VWA8: variants seen among roughly 807,000 people sequenced by gnomAD.
VWA8 encodes the protein von Willebrand factor A domain-containing protein 8.
VWA8 carries 221 observed loss-of-function variants against 241.5 expected under a neutral mutation model. The observed-to-expected ratio is 0.91, with a 90% CI of 0.82 to 1.02. VWA8 has a LOEUF of 1.02. Among genes scored for constraint, VWA8 ranks in the 50% least tolerant of loss-of-function variants. VWA8 has a pLI of 0.00. For synonymous variants in VWA8, 852 were observed against 827.1 expected, an observed-to-expected ratio of 1.03 and a Z score of -0.52; for missense variants, 2,322 against 2,328.7, an observed-to-expected ratio of 1.00 and a Z score of 0.06.
intron 26 of VWA8, among the ~76,000 whole-genome samples, chr13:41,708,717 T>C (rs187853777): frequency 3.5e-4 from 54 of 152,322 alleles, no homozygotes; most frequent in African/African-American, 1.2e-3. Context: ...GTAATCTAGA[T>C]GTATGAGATG....
intron 37 of VWA8, among the ~76,000 whole-genome samples, chr13:41,627,348 G>C (rs1009577343): frequency 6.6e-6 from 1 of 151,968 alleles, no homozygotes; most frequent in Non-Finnish European, 1.5e-5. Flanking sequence ...TCCTTGCTTT[G>C]TTTGTGTGTT....
intron 18 of VWA8, among the ~76,000 whole-genome samples, chr13:41,785,504 GAATGCGACTTTTGTGCT>G (rs1243649125): frequency 6.6e-6 from 1 of 151,394 alleles, no homozygotes; most frequent in African/African-American, 2.4e-5. Flanking sequence ...TTCTCCACTA[GAATGCGACTTTTGTGCT>G]AAGCGTTTTG....
intron 25 of VWA8, among the ~76,000 whole-genome samples, chr13:41,720,973 C>T (rs1297103933): frequency 2.0e-5 from 3 of 152,102 alleles, no homozygotes; most frequent in Non-Finnish European, 4.4e-5. Flanking sequence ...CGGTTAGTTC[C>T]TACTCTGTTT....
intron 37 of VWA8, among the ~76,000 whole-genome samples, chr13:41,618,276 CT>C (rs1338474744): frequency 2.6e-5 from 4 of 152,190 alleles, no homozygotes; most frequent in African/African-American, 4.8e-5. Context: ...TAAATGTCTT[CT>C]TTTGAAAAGC....
intron 41 of VWA8, among the ~76,000 whole-genome samples, chr13:41,588,444 C>T (rs555735617): frequency 5.9e-5 from 9 of 152,206 alleles, no homozygotes; most frequent in African/African-American, 1.7e-4. Flanking sequence ...AAGAAGGCTG[C>T]GTGCAGGGGC....
intron 9 of VWA8, among the ~76,000 whole-genome samples, chr13:41,876,344 T>C (rs1239306149): frequency 6.6e-6 from 1 of 152,078 alleles, no homozygotes; most frequent in Non-Finnish European, 1.5e-5. Context: ...ACATGATCTT[T>C]CTTTACCTTC....
At chr13:41,801,226 T>C (rs1239150074) in intron 17 of VWA8, among the ~76,000 whole-genome samples, 1 of 152,020 alleles carries the variant, frequency 6.6e-6, no homozygotes, top group African/African-American at 2.4e-5. Flanking sequence ...CAGAATGCTT[T>C]GAAAGTCCAA....
At chr13:41,726,804 G>T (rs1183628046) in intron 24 of VWA8, among the ~76,000 whole-genome samples, 1 of 152,062 alleles carries the variant, frequency 6.6e-6, no homozygotes, top group African/African-American at 2.4e-5. Context: ...AGACCAGCCT[G>T]GCCAACATGG....
chr13:41,665,938 A>G (rs2044982913), intron 37 of VWA8, among the ~76,000 whole-genome samples: 1 of 152,148 alleles, frequency 6.6e-6, no homozygotes, highest in Admixed American at 6.6e-5. Context: ...TTAACATTCT[A>G]TAATTTTCAT....
intron 12 of VWA8, among the ~76,000 whole-genome samples, chr13:41,856,377 A>C (rs1163187847): frequency 6.6e-6 from 1 of 152,184 alleles, no homozygotes; most frequent in Non-Finnish European, 1.5e-5. Context: ...TCACAAGAAG[A>C]CTAGAAAGGC....
intron 17 of VWA8, among the ~76,000 whole-genome samples, chr13:41,805,209 AG>A (rs1351857923): frequency 2.0e-5 from 3 of 152,216 alleles, no homozygotes; most frequent in African/African-American, 7.2e-5. Context: ...ATAAAGGGAC[AG>A]AAAAAAATAT....
intron 44 of VWA8, among the ~76,000 whole-genome samples, chr13:41,569,474 T>C (rs1427425202): frequency 6.6e-6 from 1 of 152,184 alleles, no homozygotes; most frequent in Non-Finnish European, 1.5e-5. Flanking sequence ...TGTAACTACA[T>C]GATATTAAGT....
At chr13:41,662,519 T>A (rs2044957198) in intron 37 of VWA8, among the ~76,000 whole-genome samples, 1 of 151,492 alleles carries the variant, frequency 6.6e-6, no homozygotes, top group East Asian at 1.9e-4. Flanking sequence ...AAGAGTAGTT[T>A]CTTTTGCTTG....
At chr13:41,771,146 G>A (rs2137920138) in intron 20 of VWA8, among the ~76,000 whole-genome samples, 1 of 152,036 alleles carries the variant, frequency 6.6e-6, no homozygotes, top group East Asian at 1.9e-4. Context: ...TTTTTGAGAT[G>A]GAGTCTCACT....
intron 27 of VWA8, among the ~76,000 whole-genome samples, chr13:41,702,292 T>A (rs906837248): frequency 6.6e-6 from 1 of 152,196 alleles, no homozygotes; most frequent in Non-Finnish European, 1.5e-5. Context: ...CCCTCTTCTA[T>A]CTAGTCTATA....
In VWA8 at chr13:41,863,454, T is replaced by C. The variant is rs200014358; in HGVS notation, c.1425+2282A>G. ...GTGTGTATATATATATATATATATATTCACACACACACACACACTATATAT... is the reference window on the plus strand; with the variant it reads ...GTGTGTATATATATATATATATATACTCACACACACACACACACTATATAT... On this transcript the variant is annotated intron_variant, in intron 12 of 44. Coordinates refer to ENST00000379310, the MANE Select transcript of VWA8 (RefSeq NM_015058.2). 1.3e-3 allele frequency among the ~76,000 whole-genome samples: 122 copies of C among 94,864 alleles called. 10 individuals are homozygous for C. The highest frequency in any genetic ancestry group is 3.8e-3 in the East Asian group (12 of 3,140). 62.2% of individuals were successfully genotyped at this position (94,864 alleles called of 152,430 possible). A position where few individuals can be genotyped will look rare whatever the true frequency, so the allele number is the denominator to read the frequency against.
intron 37 of VWA8, among the ~76,000 whole-genome samples, chr13:41,628,258 T>C (rs1270487222): frequency 1.3e-5 from 2 of 152,186 alleles, no homozygotes; most frequent in East Asian, 3.9e-4. Flanking sequence ...AATACACTGC[T>C]GATGGGAAGG....
chr13:41,724,626 A>G (rs940432091), intron 24 of VWA8, among the ~76,000 whole-genome samples: 3 of 152,160 alleles, frequency 2.0e-5, no homozygotes, highest in Admixed American at 6.5e-5. Flanking sequence ...ATTTGTTTTT[A>G]ATTGCTTTCG....
intron 40 of VWA8, among the ~76,000 whole-genome samples, chr13:41,602,979 T>C (rs1186906220): frequency 2.0e-5 from 3 of 152,198 alleles, no homozygotes; most frequent in Admixed American, 6.5e-5. Context: ...TCTTCTTTCC[T>C]ATATCTTAAA....
Sources: allele counts gnomAD v4.1 joint callset (sites outside exome capture counted in the v4.1 genomes callset), GRCh38; gene constraint gnomAD v4.1.1; transcripts MANE v1.5; gene names NCBI Gene and HGNC (gene_info 2026-07-23, HGNC 2026-07-21).